Variants in OR9Q1 observed in about 807,000 individuals in gnomAD.
The protein encoded by OR9Q1 is olfactory receptor 9Q1.
For synonymous variants in OR9Q1, 153 were observed against 148.6 expected (o/e 1.03, Z -0.22); for missense variants, 374 against 378.8 (o/e 0.99, Z 0.11).
intron 2 of OR9Q1, among the ~76,000 whole-genome samples, chr11:58,132,717 T>G (rs1854153496): frequency 6.6e-6 from 1 of 152,062 alleles, no homozygotes; most frequent in South Asian, 2.1e-4. Context: ...AGGGTGAGGT[T>G]GGATTATGGA....
chr11:58,114,333 G>T (rs1853930607), intron 2 of OR9Q1, among the ~76,000 whole-genome samples: 1 of 152,166 alleles, frequency 6.6e-6, no homozygotes, highest in Middle Eastern at 3.2e-3. Context: ...GCTTATGTAT[G>T]AAATTGGTAA....
intron 2 of OR9Q1, among the ~76,000 whole-genome samples, chr11:58,124,904 T>C (rs1032109173): frequency 6.6e-6 from 1 of 152,142 alleles, no homozygotes; most frequent in South Asian, 2.1e-4. Context: ...ATATAATTCA[T>C]ACAATGATCC....
chr11:58,066,218 G>A (rs901378231), intron 2 of OR9Q1, among the ~76,000 whole-genome samples: 11 of 152,122 alleles, frequency 7.2e-5, no homozygotes, highest in Admixed American at 1.3e-4. Context: ...CTGGTCCAGC[G>A]CTGTGTGTAA....
intron 2 of OR9Q1, among the ~76,000 whole-genome samples, chr11:58,136,029 C>T (rs920081874): frequency 6.6e-6 from 1 of 152,156 alleles, no homozygotes; most frequent in African/African-American, 2.4e-5. Context: ...CTTTCTCTTT[C>T]CTGAAAATCC....
At chr11:58,068,407 A>G (rs1853453124) in intron 2 of OR9Q1, among the ~76,000 whole-genome samples, 1 of 151,998 alleles carries the variant, frequency 6.6e-6, no homozygotes, top group Non-Finnish European at 1.5e-5. Flanking sequence ...TTTCCATGCC[A>G]GGTTGGTGGC....
intron 1 of OR9Q1, among the ~76,000 whole-genome samples, chr11:58,028,766 C>T (rs1038640092): frequency 6.6e-6 from 1 of 152,204 alleles, no homozygotes; most frequent in Admixed American, 6.5e-5. Context: ...TATAGACTTC[C>T]CACTGTGGGG....
intron 2 of OR9Q1, chr11:58,057,690 G>T (rs2218598): frequency 0.67 from 101,292 of 151,950 alleles, 34,171 homozygotes; most frequent in Middle Eastern, 0.79. Flanking sequence ...GACCTGGATG[G>T]CAGGACAGCT....
chr11:58,092,473 A>G (rs921394197), intron 2 of OR9Q1, among the ~76,000 whole-genome samples: 17 of 152,076 alleles, frequency 1.1e-4, no homozygotes, highest in African/African-American at 4.1e-4. Context: ...TCAAATTTAG[A>G]TATGAAAAAA....
At chr11:58,052,756 AAAAC>A (rs1166347783) in intron 1 of OR9Q1, among the ~76,000 whole-genome samples, 2 of 150,258 alleles carry the variant, frequency 1.3e-5, no homozygotes, top group Admixed American at 1.3e-4. Flanking sequence ...TTAGGAGAAA[AAAAC>A]AAACAACCCC....
intron 2 of OR9Q1, among the ~76,000 whole-genome samples, chr11:58,107,011 T>C (rs1023214138): frequency 6.6e-6 from 1 of 152,172 alleles, no homozygotes; most frequent in Non-Finnish European, 1.5e-5. Flanking sequence ...AGAAATGCCA[T>C]TGGGATTTTG....
rs542815915 is a variant in OR9Q1 at position 58,170,197 on chromosome 11, C to T, written c.-14-9234C>T. ...GATGCTTCTAAAAATGAGACGAGGA[C>T]TTGTATCATTTACAGACCCCCTCAC... On this transcript the variant is annotated intron_variant, in intron 2 of 2. Coordinates refer to ENST00000335397, the MANE Select transcript of OR9Q1 (RefSeq NM_001005212.4). Among the ~76,000 whole-genome samples, 8 of 152,216 alleles carry T rather than the reference C, an allele frequency of 5.3e-5. No individual in the cohort carries two copies. In the South Asian group the frequency reaches 1.5e-3, roughly 28 times the overall value.
chr11:58,129,500 C>T (rs1028230129), intron 2 of OR9Q1, among the ~76,000 whole-genome samples: 5 of 151,908 alleles, frequency 3.3e-5, no homozygotes, highest in East Asian at 1.9e-4. Flanking sequence ...ATTTTTACTG[C>T]GGCCTATATG....
chr11:58,059,209 G>C (rs1260212341), intron 2 of OR9Q1, among the ~76,000 whole-genome samples: 2 of 152,186 alleles, frequency 1.3e-5, no homozygotes, highest in Non-Finnish European at 2.9e-5. Context: ...CTTCCAGTGG[G>C]GGTGGGAGAA....
intron 2 of OR9Q1, among the ~76,000 whole-genome samples, chr11:58,148,834 T>C (rs533093180): frequency 7.6e-4 from 116 of 152,258 alleles, no homozygotes; most frequent in Non-Finnish European, 1.6e-3. Flanking sequence ...GAAAAGAAAG[T>C]GGGCTGTCGG....
chr11:58,129,328 A>C (rs1344858586), intron 2 of OR9Q1, among the ~76,000 whole-genome samples: 2 of 151,864 alleles, frequency 1.3e-5, no homozygotes, highest in African/African-American at 2.4e-5. Context: ...GGACACTCCC[A>C]CAATAGCCCC....
intron 1 of OR9Q1, among the ~76,000 whole-genome samples, 192 bp downstream of exon 1, chr11:58,024,296 C>T (rs1018777193): frequency 2.0e-5 from 3 of 152,090 alleles, no homozygotes; most frequent in Non-Finnish European, 4.4e-5. Context: ...TCTCCTAGCC[C>T]CGCTGTCTGT....
chr11:58,082,767 T>A (rs1046196074), intron 2 of OR9Q1, among the ~76,000 whole-genome samples: 2 of 127,812 alleles, frequency 1.6e-5, no homozygotes, highest in Non-Finnish European at 3.4e-5. Context: ...ATAATAATAA[T>A]AATAAAAAGT....
At chr11:58,176,331 G>A (rs1340515786) in intron 2 of OR9Q1, among the ~76,000 whole-genome samples, 3 of 152,210 alleles carry the variant, frequency 2.0e-5, no homozygotes, top group Admixed American at 2.0e-4. Context: ...TTTGAGAACC[G>A]TGACTGGGAA....
intron 2 of OR9Q1, among the ~76,000 whole-genome samples, chr11:58,175,385 C>T (rs763512562): frequency 2.4e-4 from 36 of 152,086 alleles, no homozygotes; most frequent in Middle Eastern, 6.8e-3. Flanking sequence ...AAGAGTTTTG[C>T]CCATCATTCT....
Sources: gnomAD v4.1 joint callset for allele counts (sites outside exome capture counted in the v4.1 genomes callset) on GRCh38, gnomAD v4.1.1 for gene constraint, MANE v1.5 for transcripts, NCBI Gene and HGNC (gene_info 2026-07-23, HGNC 2026-07-21) for gene names.